Variants in RBFOX2 observed in about 807,000 individuals in gnomAD.
The protein encoded by RBFOX2 is RNA binding fox-1 homolog 2.
Under a neutral mutation model 49.1 loss-of-function variants are expected in RBFOX2, and 10 were observed. The observed-to-expected ratio is 0.20, with a 90% CI of 0.13 to 0.35. The LOEUF is 0.35. Ranked by LOEUF, RBFOX2 falls within the 10% of genes least tolerant of loss-of-function variation. The pLI, the probability that RBFOX2 is intolerant of heterozygous loss-of-function variation, is 1.00. For synonymous variants in RBFOX2, 183 were observed against 187.4 expected, an observed-to-expected ratio of 0.98 and a Z score of 0.19; for missense variants, 323 against 486.9, an observed-to-expected ratio of 0.66 and a Z score of 3.17.
At chr22:36,024,970 G>A (rs1014248939) in intron 1 of RBFOX2, among the ~76,000 whole-genome samples, 2 of 151,796 alleles carry the variant, frequency 1.3e-5, no homozygotes, top group African/African-American at 2.4e-5. Flanking sequence ...ACCACGCCTG[G>A]CTAATTTTTT....
chr22:35,952,421 T>G (rs753273435), intron 1 of RBFOX2, among the ~76,000 whole-genome samples: 3 of 152,214 alleles, frequency 2.0e-5, no homozygotes, highest in Admixed American at 1.3e-4. Flanking sequence ...AAGTACTTTG[T>G]TAAATGCTGA....
intron 1 of RBFOX2, among the ~76,000 whole-genome samples, chr22:35,888,496 T>C (rs1855694627): frequency 6.6e-6 from 1 of 152,152 alleles, no homozygotes; most frequent in African/African-American, 2.4e-5. Context: ...AATGTTGCTA[T>C]AAAGGAATAC....
intron 1 of RBFOX2, among the ~76,000 whole-genome samples, chr22:35,869,043 T>C (rs1024302682): frequency 3.3e-5 from 5 of 152,316 alleles, no homozygotes; most frequent in Admixed American, 6.5e-5. Flanking sequence ...TCAATCCCTT[T>C]TTCTACTAAG....
chr22:35,768,220 A>C (rs1569005327), intron 5 of RBFOX2, 37 bp downstream of exon 6: 1 of 1,596,660 alleles, frequency 6.3e-7, no homozygotes, highest in Non-Finnish European at 8.6e-7. Context: ...GAGAAATAAA[A>C]ATATAAACCA....
At chr22:35,776,893 T>C (rs1944041572) in intron 4 of RBFOX2, among the ~76,000 whole-genome samples, 1 of 152,202 alleles carries the variant, frequency 6.6e-6, no homozygotes. Context: ...TTTTTTTTTT[T>C]TCACAACACC....
In RBFOX2 at chr22:35,740,861, A is replaced by G. The variant is rs535415652; in HGVS notation, c.*3334T>C. The G allele has an allele frequency of 3.3e-5, 5 of 152,296 alleles. 1 individual carries two copies. The East Asian group carries it at 7.7e-4, about 24-fold the overall frequency. The allele number at this position is 152,296 out of a possible 1,614,324, so 9.4% of individuals were successfully genotyped here. On this transcript the variant is annotated 3_prime_UTR_variant, in exon 12 of 12. Coordinates refer to ENST00000405409, the Ensembl canonical transcript of RBFOX2. Reference sequence around the variant, plus strand: ...AGTGATTAACCCACTTATCTGCTAGATCTCTAGTAAAGCATAATTCTAAGC... The same window carrying G: ...AGTGATTAACCCACTTATCTGCTAGGTCTCTAGTAAAGCATAATTCTAAGC...
chr22:35,761,531 A>G, intron 6 of RBFOX2, 63 bp from the exon 8 acceptor site: 1 of 1,574,770 alleles, frequency 6.4e-7, no homozygotes. Context: ...TGATCAGTGC[A>G]TGTCAAGTTG....
At position 36,000,897 on chromosome 22, in the gene RBFOX2, G is replaced by A. The variant is rs182408828; in HGVS notation, c.186+27343C>T. Among the ~76,000 whole-genome samples, 41 of 152,198 alleles carry A rather than the reference G, an allele frequency of 2.7e-4. No homozygotes were observed. In the East Asian group the frequency reaches 7.7e-3, roughly 29 times the overall value. Reference sequence around the variant, plus strand: ...ACTCAAAAGCAAAGAAGAAATTTTAGAAATGAAAGTTCTTTACACTGTTAC... The same window carrying A: ...ACTCAAAAGCAAAGAAGAAATTTTAAAAATGAAAGTTCTTTACACTGTTAC... On this transcript the variant is annotated intron_variant, in intron 1 of 13. Coordinates refer to the RBFOX2 transcript ENST00000438146.
intron 1 of RBFOX2, among the ~76,000 whole-genome samples, chr22:35,937,658 T>C (rs1267990522): frequency 6.6e-6 from 1 of 151,950 alleles, no homozygotes; most frequent in Non-Finnish European, 1.5e-5. Flanking sequence ...TGGTGTAGTC[T>C]CAGCTCACTG....
exon 12 of RBFOX2, chr22:35,741,857 T>C (rs753505134): frequency 6.6e-6 from 1 of 152,632 alleles, no homozygotes; most frequent in Non-Finnish European, 1.5e-5. Flanking sequence ...GAAAAACTCT[T>C]AAACTCATTC....
rs1011129309 is a variant in RBFOX2, at chr22:35,901,290, C to G, written c.-34+37557G>C. 1.1e-4 allele frequency among the ~76,000 whole-genome samples: 16 copies of G among 152,156 alleles called. 1 individual carries two copies. The highest frequency in any genetic ancestry group is 1.3e-4 in the Non-Finnish European group (9 of 68,020). On this transcript the variant is annotated intron_variant, in intron 1 of 13. Coordinates refer to the RBFOX2 transcript ENST00000359369. ...TGAATCAAGACTGGAAAAAAAATCA[C>G]TGAAAAACTTACCCTGGATATAAAT...
intron 1 of RBFOX2, among the ~76,000 whole-genome samples, chr22:35,923,845 T>G (rs1468659509): frequency 4.6e-5 from 7 of 151,012 alleles, no homozygotes; most frequent in Non-Finnish European, 7.4e-5. Flanking sequence ...ACATAACACA[T>G]AACTATCACC....
chr22:35,915,788 C>T lies in RBFOX2; in HGVS notation c.-34+23059G>A, dbSNP rs148758910. Among the ~76,000 whole-genome samples the T allele has an allele frequency of 5.5e-4, 84 of 152,268 alleles. 1 individual carries two copies. In the East Asian group the frequency reaches 0.016, roughly 29 times the overall value. On this transcript the variant is annotated intron_variant, in intron 1 of 13. Transcript: ENST00000359369. Reference sequence around the variant, plus strand: ...GGAGTAAGCCATACCCTCTCCCAGGCCCACCCTAAACAATCTGGAATTGCT... The same window carrying T: ...GGAGTAAGCCATACCCTCTCCCAGGTCCACCCTAAACAATCTGGAATTGCT...
chr22:35,748,424 C>T (rs1933627447), intron 9 of RBFOX2: 1 of 151,810 alleles, frequency 6.6e-6, no homozygotes, highest in South Asian at 2.1e-4. Context: ...AGGATCTGGG[C>T]AAAGCTGTAA....
Position 35,906,361 on chromosome 22 carries a change from A to T in RBFOX2, c.-34+32486T>A, listed in dbSNP as rs555000424. The stretch of plus-strand genomic sequence containing the variant: ...ACTTATGTAAATGTTATTTATTCAA[A>T]ATACAATAATCATACATTTTATAAA... On this transcript the variant is annotated intron_variant, in intron 1 of 13. Transcript: ENST00000359369. 2.6e-5 allele frequency among the ~76,000 whole-genome samples: 4 copies of T among 152,306 alleles called. No individual in the cohort carries two copies. The South Asian group carries it at 8.3e-4, about 32-fold the overall frequency.
exon 3 of RBFOX2, chr22:35,781,629 G>A (rs1244537901): frequency 6.2e-7 from 1 of 1,613,948 alleles, no homozygotes; most frequent in Admixed American, 1.7e-5. Context: ...TCAGGGTCCC[G>A]GAAGCGGAAA....
At chr22:35,823,758 G>A (rs1467236753) in intron 1 of RBFOX2, among the ~76,000 whole-genome samples, 2 of 152,188 alleles carry the variant, frequency 1.3e-5, no homozygotes, top group African/African-American at 4.8e-5. Flanking sequence ...AAAATAAGAA[G>A]TGTTTACTAC....
At chr22:35,825,824 T>C (rs1277673705) in intron 1 of RBFOX2, among the ~76,000 whole-genome samples, 2 of 150,420 alleles carry the variant, frequency 1.3e-5, no homozygotes, top group Non-Finnish European at 1.5e-5. Context: ...CTACTAATAA[T>C]ACAAAAATTA....
chr22:35,858,831 A>C (rs1041028695), intron 1 of RBFOX2, among the ~76,000 whole-genome samples: 19 of 151,668 alleles, frequency 1.3e-4, no homozygotes, highest in South Asian at 8.3e-4. Context: ...TGTCTCAAAA[A>C]AAAAAAAAAA....
Sources: gnomAD v4.1 joint callset for allele counts (sites outside exome capture counted in the v4.1 genomes callset) on GRCh38, gnomAD v4.1.1 for gene constraint, MANE v1.5 for transcripts, NCBI Gene and HGNC (gene_info 2026-07-23, HGNC 2026-07-21) for gene names.